CDK6: variants seen among roughly 807,000 people sequenced by gnomAD.
The protein encoded by CDK6 is cyclin dependent kinase 6.
Under a neutral mutation model 37.1 loss-of-function variants are expected in CDK6, and 6 were observed. The observed-to-expected ratio is 0.16, with a 90% CI of 0.09 to 0.32. The LOEUF (loss-of-function observed/expected upper bound fraction) is 0.32, where lower values mean the gene tolerates loss of function less well. Ranked by LOEUF, CDK6 falls within the 10% of genes least tolerant of loss-of-function variation. The pLI is 1.00. For missense variants in CDK6, 224 were observed against 418.9 expected (o/e 0.53, Z 4.06); for synonymous variants, 160 against 161.3 (o/e 0.99, Z 0.06).
rs1161899447 is a variant in CDK6, at chr7:92,820,260, G to C, written c.233+12831C>G. On this transcript the variant is annotated intron_variant, in intron 2 of 7. Transcript: ENST00000424848. ...ATGCAGAATAAGGAAAGAGAATCCA[G>C]ATGTCTGTTTTTACAAAAGAAGGAC... is the stretch of plus-strand genomic sequence containing the variant. Among the ~76,000 whole-genome samples, 10 of 152,136 alleles carry C rather than the reference G, an allele frequency of 6.6e-5. No individual in the cohort carries two copies. The South Asian group carries it at 1.2e-3, about 19-fold the overall frequency.
intron 7 of CDK6, among the ~76,000 whole-genome samples, chr7:92,616,602 G>C (rs1333728898): frequency 1.3e-5 from 2 of 152,226 alleles, no homozygotes; most frequent in Admixed American, 6.5e-5. Flanking sequence ...CCGGAAAGCA[G>C]GGGCAAAATT....
At chr7:92,794,005 G>A (rs1800344565) in intron 2 of CDK6, among the ~76,000 whole-genome samples, 2 of 152,070 alleles carry the variant, frequency 1.3e-5, no homozygotes, top group African/African-American at 4.8e-5. Flanking sequence ...TTAAATGGGT[G>A]AATTGCTTTG....
chr7:92,608,212 C>G lies in CDK6; in HGVS notation c.*6928G>C. The stretch of plus-strand genomic sequence containing the variant: ...CAGTCAATATGTAGTTATATGCCCC[C>G]TTTGAGAAAAACCTACATTTGACAA... On this transcript the variant is annotated 3_prime_UTR_variant, in exon 8 of 8. Transcript: ENST00000424848. 4.3e-6 allele frequency: 1 copy of G among 232,322 alleles called. No homozygotes were observed. Among genetic ancestry groups the G allele is most frequent in the East Asian group, 6.1e-5 (1 of 16,366 alleles). The allele number at this position is 232,322 out of a possible 1,614,324, so 14.4% of individuals were successfully genotyped here. A position where few individuals can be genotyped will look rare whatever the true frequency, so the allele number is the denominator to read the frequency against.
At chr7:92,672,160 T>TATATATATATATACAC (rs1210519115) in intron 4 of CDK6, among the ~76,000 whole-genome samples, 4 of 79,092 alleles carry the variant, frequency 5.1e-5, no homozygotes, top group African/African-American at 1.1e-4. Flanking sequence ...TATATATATA[T>TATATATATATATACAC]ACACATACAC....
At chr7:92,762,838 T>C (rs1309857439) in intron 3 of CDK6, among the ~76,000 whole-genome samples, 1 of 152,218 alleles carries the variant, frequency 6.6e-6, no homozygotes, top group African/African-American at 2.4e-5. Flanking sequence ...CCCAAAGTGC[T>C]GGGATTACAG....
chr7:92,635,778 T>C (rs1585354824), intron 5 of CDK6, among the ~76,000 whole-genome samples: 1 of 152,210 alleles, frequency 6.6e-6, no homozygotes. Context: ...TTACCCATGA[T>C]ACCGTGCTGT....
intron 2 of CDK6, among the ~76,000 whole-genome samples, chr7:92,801,428 C>T (rs1800572034): frequency 1.3e-5 from 2 of 152,028 alleles, no homozygotes; most frequent in Non-Finnish European, 2.9e-5. Flanking sequence ...TCTGAAATTA[C>T]AGGGACATAG....
At chr7:92,809,449 A>G (rs1800816618) in intron 2 of CDK6, among the ~76,000 whole-genome samples, 2 of 152,224 alleles carry the variant, frequency 1.3e-5, no homozygotes, top group Admixed American at 6.5e-5. Context: ...CAGATCCACA[A>G]TTACCTTCCC....
intron 2 of CDK6, among the ~76,000 whole-genome samples, chr7:92,813,297 T>A (rs1443587330): frequency 6.6e-6 from 1 of 152,136 alleles, no homozygotes; most frequent in East Asian, 1.9e-4. Flanking sequence ...GTAGAGAATT[T>A]GAGAGGGAAA....
chr7:92,718,694 C>A (rs1391007171), intron 4 of CDK6, among the ~76,000 whole-genome samples: 2 of 152,176 alleles, frequency 1.3e-5, no homozygotes, highest in Non-Finnish European at 2.9e-5. Context: ...CTTTAAGCAT[C>A]CCACATTTTG....
At chr7:92,745,329 C>CA (rs553281048) in intron 3 of CDK6, among the ~76,000 whole-genome samples, 35 of 152,286 alleles carry the variant, frequency 2.3e-4, no homozygotes, top group African/African-American at 7.5e-4. Context: ...CTTTTCTACT[C>CA]AGAGTTGTTA....
At chr7:92,627,990 C>T (rs560580044) in intron 5 of CDK6, among the ~76,000 whole-genome samples, 15 of 151,914 alleles carry the variant, frequency 9.9e-5, no homozygotes, top group Non-Finnish European at 1.9e-4. Context: ...TTTAAGCATG[C>T]GGTATTAAAG....
At chr7:92,690,977 A>G (rs1349074765) in intron 4 of CDK6, among the ~76,000 whole-genome samples, 1 of 152,192 alleles carries the variant, frequency 6.6e-6, no homozygotes, top group Non-Finnish European at 1.5e-5. Context: ...ATTAGTTCAG[A>G]TATGCTCACA....
At chr7:92,738,958 C>T (rs1798855236) in intron 3 of CDK6, among the ~76,000 whole-genome samples, 1 of 152,102 alleles carries the variant, frequency 6.6e-6, no homozygotes, top group Admixed American at 6.5e-5. Flanking sequence ...TTATACTGGT[C>T]CTCTAAGGCC....
chr7:92,806,154 A>G lies in CDK6; in HGVS notation c.233+26937T>C, dbSNP rs527364682. On this transcript the variant is annotated intron_variant, in intron 2 of 7. Coordinates refer to ENST00000424848, the MANE Select transcript of CDK6 (RefSeq NM_001145306.2). ...AATAAAATAAGTTTTTAAAAAATCTATCTTCTTGAAAAAAGCATGATTGAA... is the reference window on the plus strand; with the variant it reads ...AATAAAATAAGTTTTTAAAAAATCTGTCTTCTTGAAAAAAGCATGATTGAA... 2.1e-4 allele frequency among the ~76,000 whole-genome samples: 32 copies of G among 152,322 alleles called. No individual in the cohort carries two copies. The East Asian group carries it at 4.6e-3, about 22-fold the overall frequency.
intron 4 of CDK6, among the ~76,000 whole-genome samples, chr7:92,690,513 T>G (rs2116640806): frequency 6.6e-6 from 1 of 152,328 alleles, no homozygotes; most frequent in South Asian, 2.1e-4. Context: ...GATGTTTTGG[T>G]TACCGTAGCC....
At chr7:92,800,336 A>T (rs922708967) in intron 2 of CDK6, among the ~76,000 whole-genome samples, 4 of 152,126 alleles carry the variant, frequency 2.6e-5, no homozygotes, top group Admixed American at 6.6e-5. Context: ...TTCGTCTGCC[A>T]TACGTGATGT....
At chr7:92,636,817 C>T (rs1364891685) in intron 5 of CDK6, among the ~76,000 whole-genome samples, 3 of 152,160 alleles carry the variant, frequency 2.0e-5, no homozygotes, top group African/African-American at 7.2e-5. Context: ...AGGCATGCGC[C>T]ACCATGCTGA....
intron 4 of CDK6, among the ~76,000 whole-genome samples, chr7:92,681,955 T>C (rs1797346789): frequency 1.3e-5 from 2 of 152,188 alleles, no homozygotes; most frequent in Admixed American, 6.5e-5. Flanking sequence ...AATGCATGCA[T>C]TGTCATTCCT....
Sources: gnomAD v4.1 joint callset for allele counts (sites outside exome capture counted in the v4.1 genomes callset) on GRCh38, gnomAD v4.1.1 for gene constraint, MANE v1.5 for transcripts, NCBI Gene and HGNC (gene_info 2026-07-23, HGNC 2026-07-21) for gene names.